The following IRAG2 variants were observed in gnomAD, a reference collection of about 807,000 sequenced individuals.
IRAG2 encodes the protein inositol 1,4,5-triphosphate receptor associated 2.
A neutral mutation model predicts 69.9 loss-of-function variants in IRAG2; 45 were observed. The ratio of observed to expected loss-of-function variants is 0.64; its 90% CI spans 0.51 to 0.83. The LOEUF is 0.83. Ranked by LOEUF, IRAG2 falls within the 40% of genes least tolerant of loss-of-function variation. IRAG2 has a pLI of 0.00. For missense variants in IRAG2, 520 were observed against 587.0 expected (o/e 0.89, Z 1.18); for synonymous variants, 193 against 202.4 (o/e 0.95, Z 0.40).
upstream of IRAG2, among the ~76,000 whole-genome samples, chr12:25,048,611 TA>T (rs1232633090): frequency 5.9e-5 from 9 of 152,292 alleles, no homozygotes; most frequent in African/African-American, 2.2e-4. Context: ...CACTTTGTAA[TA>T]TTTTTTTTCT....
intron 6 of IRAG2, among the ~76,000 whole-genome samples, chr12:25,078,426 G>A (rs993808592): frequency 6.6e-6 from 1 of 152,110 alleles, no homozygotes. Context: ...TCTGATTATG[G>A]AATAACTAAA....
At position 25,044,485 on chromosome 12, in the gene IRAG2, A is replaced by G. The variant is rs1944776292; in HGVS notation, c.2144+6348A>G. On this transcript the variant is annotated intron_variant, in intron 16 of 38. Coordinates refer to the IRAG2 transcript ENST00000636465. ...TCAAAAGACATAGAGGGCTGAACAT[A>G]TTAAATTTTAAAAAGCCCAGATTCA... 2.3e-5 allele frequency among the ~76,000 whole-genome samples: 3 copies of G among 127,768 alleles called. No individual in the cohort carries two copies. The South Asian group carries it at 8.6e-4, about 36-fold the overall frequency. The allele number at this position is 127,768 out of a possible 152,430, so 83.8% of individuals were successfully genotyped here.
At chr12:25,080,228 G>A (rs1947103719) in intron 9 of IRAG2, among the ~76,000 whole-genome samples, 1 of 152,030 alleles carries the variant, frequency 6.6e-6, no homozygotes. Flanking sequence ...ACTTGACTCT[G>A]AAAACAATGT....
At chr12:25,059,900 T>C (rs1945511932) in intron 1 of IRAG2, among the ~76,000 whole-genome samples, 1 of 152,222 alleles carries the variant, frequency 6.6e-6, no homozygotes, top group African/African-American at 2.4e-5. Flanking sequence ...TTCTTTTCAT[T>C]AGCATTATGC....
chr12:25,055,529 A>G (rs1267369383), intron 1 of IRAG2, among the ~76,000 whole-genome samples: 1 of 152,140 alleles, frequency 6.6e-6, no homozygotes, highest in Non-Finnish European at 1.5e-5. Flanking sequence ...ATATATGTAT[A>G]CATGTACCAT....
chr12:25,068,168 T>C (rs990829043), intron 5 of IRAG2, among the ~76,000 whole-genome samples: 1 of 151,798 alleles, frequency 6.6e-6, no homozygotes, highest in East Asian at 1.9e-4. Context: ...ACAAGGTTTC[T>C]CCATGTTGCC....
At chr12:25,059,777 A>T (rs1171204357) in intron 1 of IRAG2, among the ~76,000 whole-genome samples, 1 of 152,264 alleles carries the variant, frequency 6.6e-6, no homozygotes, top group Non-Finnish European at 1.5e-5. Context: ...GAAGTAAGTT[A>T]TTTTTACCAA....
chr12:25,098,108 C>G (rs1032908800), intron 15 of IRAG2, among the ~76,000 whole-genome samples: 3 of 152,090 alleles, frequency 2.0e-5, no homozygotes, highest in Non-Finnish European at 2.9e-5. Context: ...CTTGCATGTC[C>G]CCTCATCACT....
chr12:25,083,228 CTT>C (rs1288790822), intron 9 of IRAG2, among the ~76,000 whole-genome samples, 193 bp from the exon 10 acceptor site: 2 of 152,136 alleles, frequency 1.3e-5, no homozygotes, highest in Non-Finnish European at 2.9e-5. Context: ...TTTAAGAAAT[CTT>C]TTACGGCCTT....
At chr12:25,075,064 C>T (rs1946591083) in intron 6 of IRAG2, among the ~76,000 whole-genome samples, 1 of 152,074 alleles carries the variant, frequency 6.6e-6, no homozygotes, top group Admixed American at 6.6e-5. Context: ...GTGGGTGTAA[C>T]CTGTAGATCT....
In IRAG2 at chr12:25,043,750, G is replaced by A. The variant is rs374762498; in HGVS notation, c.2144+5613G>A. 5.3e-5 allele frequency among the ~76,000 whole-genome samples: 8 copies of A among 152,292 alleles called. No homozygotes were observed. In the East Asian group the frequency reaches 1.5e-3, roughly 29 times the overall value. On this transcript the variant is annotated intron_variant, in intron 16 of 38. Coordinates refer to the IRAG2 transcript ENST00000636465. Reference sequence around the variant, plus strand: ...CCTGGATTGATTAAGGGATTTCTCCGGTATGAGACCAGTATGTGAAGACTG... The same window carrying A: ...CCTGGATTGATTAAGGGATTTCTCCAGTATGAGACCAGTATGTGAAGACTG...
intron 1 of IRAG2, among the ~76,000 whole-genome samples, chr12:25,059,815 A>T (rs1281817718): frequency 6.6e-6 from 1 of 152,230 alleles, no homozygotes; most frequent in South Asian, 2.1e-4. Flanking sequence ...TAAAAAATTT[A>T]CATAGGTAAT....
chr12:25,051,160 A>AAG (rs1270615854), upstream of IRAG2, among the ~76,000 whole-genome samples: 13 of 152,030 alleles, frequency 8.6e-5, no homozygotes, highest in East Asian at 1.5e-3. Flanking sequence ...AAGAGAGAAA[A>AAG]AGAGAGTGAG....
At chr12:25,053,556 T>G (rs2139894145) in intron 1 of IRAG2, among the ~76,000 whole-genome samples, 1 of 152,248 alleles carries the variant, frequency 6.6e-6, no homozygotes, top group African/African-American at 2.4e-5. Flanking sequence ...ATATAAACAG[T>G]TACCAGAGAT....
At chr12:25,016,578 C>T (rs541970609) in intron 5 of IRAG2, among the ~76,000 whole-genome samples, 80 of 152,214 alleles carry the variant, frequency 5.3e-4, no homozygotes, top group African/African-American at 1.8e-3. Flanking sequence ...GCCTGGCCAA[C>T]ATGGTGAAAC....
At chr12:25,029,258 A>G (rs761432891) in intron 9 of IRAG2, among the ~76,000 whole-genome samples, 1 of 152,174 alleles carries the variant, frequency 6.6e-6, no homozygotes, top group Non-Finnish European at 1.5e-5. Context: ...TTAATTCTAC[A>G]CTAGGAGTGG....
chr12:25,082,381 T>C, intron 9 of IRAG2, among the ~76,000 whole-genome samples: 1 of 152,192 alleles, frequency 6.6e-6, no homozygotes, highest in East Asian at 1.9e-4. Flanking sequence ...GCAGGATTGC[T>C]TGAACTCAAG....
rs1944420285 is a variant in IRAG2, at chr12:25,005,030, A to G, written c.574+115A>G. 9 of 687,448 alleles carry G rather than the reference A, an allele frequency of 1.3e-5. No homozygotes were observed. In the South Asian group the frequency reaches 4.7e-4, roughly 36 times the overall value. The allele number at this position is 687,448 out of a possible 1,614,324, so 42.6% of individuals were successfully genotyped here. The stretch of plus-strand genomic sequence containing the variant: ...TATTAAAGTTTGGATGGAATCATCC[A>G]TCTTTCCCTTTCTGTTTTAACTATG... On this transcript the variant is annotated intron_variant, in intron 1 of 38. Transcript: ENST00000636465.
chr12:25,092,344 C>A (rs1276308560), intron 14 of IRAG2, among the ~76,000 whole-genome samples: 2 of 147,396 alleles, frequency 1.4e-5, no homozygotes, highest in South Asian at 4.3e-4. Context: ...AGGTTGCAGT[C>A]AGCCAAGATC....
Sources: gnomAD v4.1 joint callset for allele counts (sites outside exome capture counted in the v4.1 genomes callset) on GRCh38, gnomAD v4.1.1 for gene constraint, MANE v1.5 for transcripts, NCBI Gene and HGNC (gene_info 2026-07-23, HGNC 2026-07-21) for gene names.